CLDN18: variants seen among roughly 807,000 people sequenced by gnomAD.
CLDN18 encodes the protein claudin-18.
CLDN18 carries 20 observed loss-of-function variants against 25.0 expected under a neutral mutation model. The observed-to-expected ratio is 0.80, with a 90% CI of 0.56 to 1.16. The LOEUF is 1.16. Ranked by LOEUF, CLDN18 falls within the 50% of genes most tolerant of loss-of-function variation. CLDN18 has a pLI of 0.00. For synonymous variants in CLDN18, 125 were observed against 135.6 expected (o/e 0.92, Z 0.54); for missense variants, 297 against 345.4 (o/e 0.86, Z 1.11).
At position 137,998,950 on chromosome 3, in the gene CLDN18, G is replaced by A. The variant is rs377095171; in HGVS notation, c.82G>A (p.Asp28Asn). ...GGGCATCATTGCTGCCACCTGCATG[G>A]ACCAGTGGAGCACCCAAGACTTGTA... The change falls in exon 1 of 5, where the codon GAC becomes AAC. Residue 28 changes from aspartate to asparagine, a missense_variant. Physicochemically the swap from Asp to Asn is conservative, Grantham distance 23. Coordinates refer to the CLDN18 transcript ENST00000343735. 3.0e-5 allele frequency: 49 copies of A among 1,614,112 alleles called. No individual in the cohort carries two copies. In the African/African-American group the frequency reaches 6.0e-4, roughly 20 times the overall value.
At chr3:138,016,632 A>G (rs1942207312) in intron 1 of CLDN18, among the ~76,000 whole-genome samples, 1 of 152,130 alleles carries the variant, frequency 6.6e-6, no homozygotes, top group South Asian at 2.1e-4. Flanking sequence ...CATTTGGGCT[A>G]AATTTGGTAA....
chr3:138,008,476 G>A (rs1253015558), upstream of CLDN18, among the ~76,000 whole-genome samples: 3 of 151,760 alleles, frequency 2.0e-5, no homozygotes, highest in East Asian at 3.9e-4. Context: ...GGTGGCAGGC[G>A]CCTGTAATCT....
upstream of CLDN18, among the ~76,000 whole-genome samples, chr3:138,007,579 G>A (rs1296925679): frequency 5.3e-5 from 8 of 152,048 alleles, no homozygotes; most frequent in Non-Finnish European, 1.0e-4. Flanking sequence ...CCTAGATGAT[G>A]GGTCAATAGG....
intron 3 of CLDN18, among the ~76,000 whole-genome samples, chr3:138,028,753 G>A (rs967790602): frequency 2.6e-5 from 4 of 152,164 alleles, no homozygotes; most frequent in African/African-American, 4.8e-5. Flanking sequence ...AGGAGATTTT[G>A]TTCCCAATCC....
chr3:138,005,001 A>T (rs2107875278), intron 1 of CLDN18: 1 of 152,214 alleles, frequency 6.6e-6, no homozygotes, highest in East Asian at 1.9e-4. Flanking sequence ...TTTCTAAATC[A>T]TGTATGGAAT....
At chr3:138,022,423 T>A (rs1942282726) in intron 1 of CLDN18, among the ~76,000 whole-genome samples, 1 of 152,204 alleles carries the variant, frequency 6.6e-6, no homozygotes, top group Non-Finnish European at 1.5e-5. Flanking sequence ...AGAATAAATA[T>A]TTCTAAACAT....
At chr3:138,026,592 C>T (rs1441066301) in intron 3 of CLDN18, among the ~76,000 whole-genome samples, 1 of 152,080 alleles carries the variant, frequency 6.6e-6, no homozygotes, top group East Asian at 1.9e-4. Context: ...TTGCAGTGAG[C>T]CGAGATCGCA....
chr3:138,030,080 T>A (rs891379756), intron 4 of CLDN18, among the ~76,000 whole-genome samples, 173 bp downstream of exon 4: 2 of 152,260 alleles, frequency 1.3e-5, no homozygotes, highest in African/African-American at 2.4e-5. Flanking sequence ...AATGGGAATA[T>A]TTCAGCCTAG....
rs1942124544 is a variant in CLDN18 at position 138,010,510 on chromosome 3, G to A, written c.220+65G>A. 7 of 1,585,332 alleles carry A rather than the reference G, an allele frequency of 4.4e-6. No individual in the cohort carries two copies. In the South Asian group the frequency reaches 4.5e-5, roughly 10 times the overall value. On this transcript the variant is annotated intron_variant, in intron 1 of 4. Coordinates refer to ENST00000183605, the MANE Select transcript of CLDN18 (RefSeq NM_016369.4). ...GGTGAGCAGGGAAGGGGGCGTTTGC[G>A]TTAAGCCCCACTCCCACCTCTGGGT...
At chr3:138,005,400 C>T (rs962495912), upstream of CLDN18, among the ~76,000 whole-genome samples, 1 of 152,176 alleles carries the variant, frequency 6.6e-6, no homozygotes, top group South Asian at 2.1e-4. Flanking sequence ...CACCCACCCC[C>T]CTAACAGGCC....
chr3:138,006,613 A>G (rs1942072098), upstream of CLDN18, among the ~76,000 whole-genome samples: 1 of 152,230 alleles, frequency 6.6e-6, no homozygotes, highest in Non-Finnish European at 1.5e-5. Flanking sequence ...GCCATAAATG[A>G]GAAAGTCATA....
chr3:138,018,256 A>G (rs1345676826), intron 1 of CLDN18, among the ~76,000 whole-genome samples: 1 of 152,196 alleles, frequency 6.6e-6, no homozygotes, highest in East Asian at 1.9e-4. Flanking sequence ...CACGCTCTTC[A>G]AAGATAGTGC....
chr3:138,016,760 A>G (rs2107882062), intron 1 of CLDN18, among the ~76,000 whole-genome samples: 1 of 152,280 alleles, frequency 6.6e-6, no homozygotes, highest in East Asian at 1.9e-4. Flanking sequence ...AGACATTTAT[A>G]TGAAAGTGCT....
chr3:137,999,050 C>G (rs752890667), exon 1 of CLDN18: 2 of 1,614,186 alleles, frequency 1.2e-6, no homozygotes, highest in Non-Finnish European at 1.7e-6. Flanking sequence ...TCTGGCTTCA[C>G]CGAGTGCCGG....
chr3:138,010,393 G>A lies in CLDN18; in HGVS notation c.168G>A (p.Gln56=). Residue 56 remains glutamine, a synonymous_variant, in exon 1 of 5, where the codon CAG becomes CAA. Transcript: ENST00000183605. ...YEGLWRSCVR[Q]SSGFTECRPY... is the part of the protein sequence containing the mutation. ...GGCTCTGGAGGAGCTGCGTGAGGCA[G>A]AGTTCAGGCTTCACCGAATGCAGGC... 6.2e-7 allele frequency: 1 copy of A among 1,614,246 alleles called. No individual in the cohort carries two copies. Among genetic ancestry groups the A allele is most frequent in the South Asian group, 1.1e-5 (1 of 91,088 alleles).
At chr3:138,019,135 C>T (rs928196603) in intron 1 of CLDN18, among the ~76,000 whole-genome samples, 6 of 152,208 alleles carry the variant, frequency 3.9e-5, no homozygotes, top group Admixed American at 3.3e-4. Flanking sequence ...CAAGTAGCAT[C>T]TGATCCTCAC....
At chr3:138,015,787 A>G (rs1483470696) in intron 1 of CLDN18, among the ~76,000 whole-genome samples, 2 of 152,220 alleles carry the variant, frequency 1.3e-5, no homozygotes, top group African/African-American at 4.8e-5. Flanking sequence ...AATTCTTCCT[A>G]AGTGCAATCT....
At chr3:138,026,781 G>T (rs1942332747) in intron 3 of CLDN18, among the ~76,000 whole-genome samples, 1 of 152,212 alleles carries the variant, frequency 6.6e-6, no homozygotes, top group Non-Finnish European at 1.5e-5. Flanking sequence ...GGGACGGGAA[G>T]GAAGGGAAGC....
At position 138,031,281 on chromosome 3, in the gene CLDN18, C is replaced by T. The variant is rs1267697181; in HGVS notation, c.*140C>T. ...AGCCTCGATTTCATCTTTGGAGAGGCCAAATGGTCTTAGCCTCAGTCTCTG... is the reference window on the plus strand; with the variant it reads ...AGCCTCGATTTCATCTTTGGAGAGGTCAAATGGTCTTAGCCTCAGTCTCTG... On this transcript the variant is annotated 3_prime_UTR_variant, in exon 5 of 5. Coordinates refer to ENST00000183605, the MANE Select transcript of CLDN18 (RefSeq NM_016369.4). 7 of 665,344 alleles carry T rather than the reference C, an allele frequency of 1.1e-5. No individual in the cohort carries two copies. The East Asian group carries it at 1.7e-4, about 16-fold the overall frequency. 41.2% of individuals were successfully genotyped at this position (665,344 alleles called of 1,614,324 possible). A position where few individuals can be genotyped will look rare whatever the true frequency, so the allele number is the denominator to read the frequency against.
Sources: gnomAD v4.1 joint callset for allele counts (sites outside exome capture counted in the v4.1 genomes callset) on GRCh38, gnomAD v4.1.1 for gene constraint, MANE v1.5 for transcripts, NCBI Gene and HGNC (gene_info 2026-07-23, HGNC 2026-07-21) for gene names.